The following FOXJ3 variants were observed in gnomAD, a reference collection of about 807,000 sequenced individuals.
FOXJ3 encodes the protein forkhead box protein J3.
FOXJ3 carries 22 observed loss-of-function variants against 76.1 expected under a neutral mutation model. The observed-to-expected ratio is 0.29, with a 90% CI of 0.21 to 0.41. The LOEUF is 0.41. Ranked by LOEUF, FOXJ3 falls within the 10% of genes least tolerant of loss-of-function variation. FOXJ3 has a pLI of 1.00. For missense variants in FOXJ3, 613 were observed against 762.1 expected (o/e 0.80, Z 2.30); for synonymous variants, 269 against 261.2 (o/e 1.03, Z -0.29).
At chr1:42,280,285 C>A (rs1652598462) in intron 2 of FOXJ3, 1 of 982,904 alleles carries the variant, frequency 1.0e-6, no homozygotes, top group Non-Finnish European at 1.2e-6. Flanking sequence ...GAGGATTCTA[C>A]CTGCACTGCC....
chr1:42,237,951 C>A, intron 4 of FOXJ3, among the ~76,000 whole-genome samples: 1 of 150,736 alleles, frequency 6.6e-6, no homozygotes, highest in East Asian at 1.9e-4. Flanking sequence ...TATATATAGA[C>A]ACACACACAT....
At chr1:42,312,883 A>C (rs1470416741) in intron 1 of FOXJ3, among the ~76,000 whole-genome samples, 1 of 152,200 alleles carries the variant, frequency 6.6e-6, no homozygotes, top group Non-Finnish European at 1.5e-5. Context: ...GACAGCAGCA[A>C]TGTTCAGTTC....
intron 12 of FOXJ3, 119 bp from the exon 13 acceptor site, chr1:42,179,944 T>C: frequency 1.5e-6 from 1 of 653,314 alleles, no homozygotes; most frequent in Admixed American, 2.5e-5. Context: ...AATTCAACCA[T>C]AAGCCTTCAA....
chr1:42,249,802 C>T (rs759248951), intron 4 of FOXJ3, among the ~76,000 whole-genome samples: 4 of 152,038 alleles, frequency 2.6e-5, no homozygotes, highest in Non-Finnish European at 4.4e-5. Flanking sequence ...CTACATCATT[C>T]GGGAGCTATA....
chr1:42,307,844 T>C (rs1286372783), intron 2 of FOXJ3, among the ~76,000 whole-genome samples: 1 of 152,222 alleles, frequency 6.6e-6, no homozygotes, highest in Non-Finnish European at 1.5e-5. Flanking sequence ...TTTTCTACAA[T>C]ATGTACTACT....
chr1:42,322,126 G>A (rs1349243630), intron 1 of FOXJ3, among the ~76,000 whole-genome samples: 1 of 152,100 alleles, frequency 6.6e-6, no homozygotes, highest in African/African-American at 2.4e-5. Flanking sequence ...AGACGTGAAG[G>A]GCCAAAGAGG....
At chr1:42,270,663 T>C (rs1013280433) in intron 3 of FOXJ3, among the ~76,000 whole-genome samples, 3 of 152,076 alleles carry the variant, frequency 2.0e-5, no homozygotes, top group African/African-American at 4.8e-5. Context: ...AATCAATCAA[T>C]ATGATGAAGC....
At chr1:42,251,788 G>C (rs1418239418) in intron 4 of FOXJ3, among the ~76,000 whole-genome samples, 4 of 135,762 alleles carry the variant, frequency 2.9e-5, no homozygotes, top group Non-Finnish European at 6.1e-5. Flanking sequence ...GCGCGATCTC[G>C]ACTCACTGCA....
At position 42,190,578 on chromosome 1, in the gene FOXJ3, G is replaced by T. The variant is rs557331387; in HGVS notation, c.1351+725C>A. ...AAACCAAGGTTCAAAGGAATTATAT[G>T]ATTTAAGTCACTTAGGTAATACAAC... is the stretch of plus-strand genomic sequence containing the variant. On this transcript the variant is annotated intron_variant, in intron 9 of 12. Transcript: ENST00000361346. Among the ~76,000 whole-genome samples the T allele has an allele frequency of 2.0e-5, 3 of 152,292 alleles. No individual in the cohort carries two copies. In the East Asian group the frequency reaches 5.8e-4, roughly 29 times the overall value.
chr1:42,241,199 T>C (rs543837854), intron 4 of FOXJ3, among the ~76,000 whole-genome samples: 66 of 152,144 alleles, frequency 4.3e-4, no homozygotes, highest in African/African-American at 1.2e-3. Flanking sequence ...GAGACTAGCA[T>C]AGGGAGCTTC....
chr1:42,211,080 G>C (rs1019792397), intron 5 of FOXJ3, among the ~76,000 whole-genome samples: 18 of 152,132 alleles, frequency 1.2e-4, no homozygotes, highest in African/African-American at 4.1e-4. Context: ...AGTGGGGAAA[G>C]TTTGTTTGGC....
At chr1:42,249,017 C>G (rs541283202) in intron 4 of FOXJ3, among the ~76,000 whole-genome samples, 10 of 152,006 alleles carry the variant, frequency 6.6e-5, no homozygotes, top group Non-Finnish European at 5.9e-5. Flanking sequence ...GTTTTCTGTT[C>G]CTCTGTTAGT....
At chr1:42,280,618 C>T (rs1361224270) in intron 2 of FOXJ3, among the ~76,000 whole-genome samples, 2 of 151,952 alleles carry the variant, frequency 1.3e-5, no homozygotes, top group Admixed American at 6.6e-5. Flanking sequence ...TGAATCCCTT[C>T]AGTAATGAAA....
chr1:42,325,022 T>C (rs537948472), intron 1 of FOXJ3, among the ~76,000 whole-genome samples: 188 of 152,302 alleles, frequency 1.2e-3, no homozygotes, highest in African/African-American at 3.9e-3. Context: ...TGTATATATA[T>C]GCCCCACAGT....
At chr1:42,275,995 T>A (rs1468764393) in intron 3 of FOXJ3, among the ~76,000 whole-genome samples, 3 of 152,232 alleles carry the variant, frequency 2.0e-5, no homozygotes, top group Non-Finnish European at 2.9e-5. Flanking sequence ...ACAACTCATC[T>A]TTTCAGAAGA....
At chr1:42,323,535 T>C (rs1487516452) in intron 1 of FOXJ3, 1 of 170,884 alleles carries the variant, frequency 5.9e-6, no homozygotes, top group Non-Finnish European at 1.2e-5. Context: ...CAGCCTAGAA[T>C]GCTCCATGTC....
At chr1:42,270,359 A>C (rs1180079391) in intron 3 of FOXJ3, among the ~76,000 whole-genome samples, 1 of 152,194 alleles carries the variant, frequency 6.6e-6, no homozygotes, top group African/African-American at 2.4e-5. Flanking sequence ...CTCTACCAAA[A>C]TGTAAATAGG....
At chr1:42,198,811 AAAGTG>A (rs1646703194) in intron 7 of FOXJ3, among the ~76,000 whole-genome samples, 1 of 152,176 alleles carries the variant, frequency 6.6e-6, no homozygotes, top group East Asian at 1.9e-4. Context: ...CTACTAAACT[AAAGTG>A]CAATTTTTTT....
chr1:42,316,984 T>C (rs1655151585), intron 1 of FOXJ3, among the ~76,000 whole-genome samples: 1 of 152,156 alleles, frequency 6.6e-6, no homozygotes, highest in Non-Finnish European at 1.5e-5. Context: ...AACTTATTCA[T>C]GTAACTAAGC....
Sources: allele counts gnomAD v4.1 joint callset (sites outside exome capture counted in the v4.1 genomes callset), GRCh38; gene constraint gnomAD v4.1.1; transcripts MANE v1.5; gene names NCBI Gene and HGNC (gene_info 2026-07-23, HGNC 2026-07-21).